The following PLCG2 variants were observed in gnomAD, a reference collection of about 807,000 sequenced individuals.
PLCG2 encodes phospholipase C gamma 2.
PLCG2 carries 69 observed loss-of-function variants against 175.6 expected under a neutral mutation model. The observed-to-expected ratio is 0.39, with a 90% CI of 0.32 to 0.48. The LOEUF is 0.48. Ranked by LOEUF, PLCG2 falls within the 20% of genes least tolerant of loss-of-function variation. PLCG2 has a pLI of 0.91. For synonymous variants in PLCG2, 827 were observed against 624.0 expected (o/e 1.33, Z -4.85); for missense variants, 1,798 against 1,650.9 (o/e 1.09, Z -1.54).
intron 7 of PLCG2, among the ~76,000 whole-genome samples, chr16:81,871,967 G>T (rs892077339): frequency 6.6e-6 from 1 of 152,140 alleles, no homozygotes; most frequent in African/African-American, 2.4e-5. Flanking sequence ...GATGATATTT[G>T]TGACATTTTG....
chr16:81,947,096 C>T (rs1339448767), intron 31 of PLCG2, among the ~76,000 whole-genome samples: 2 of 152,036 alleles, frequency 1.3e-5, no homozygotes, highest in Non-Finnish European at 1.5e-5. Flanking sequence ...TGCCTAGGCC[C>T]GCTGCTCTGC....
intron 2 of PLCG2, among the ~76,000 whole-genome samples, chr16:81,826,894 G>GC (rs1905069783): frequency 1.3e-5 from 2 of 152,120 alleles, no homozygotes; most frequent in African/African-American, 4.8e-5. Flanking sequence ...GTATCCATTT[G>GC]AGGTCTTGGT....
intron 23 of PLCG2, among the ~76,000 whole-genome samples, chr16:81,927,847 G>A (rs1910339740): frequency 6.6e-6 from 1 of 152,224 alleles, no homozygotes; most frequent in Admixed American, 6.5e-5. Context: ...GGGAGGTACA[G>A]TCTAAGCAAA....
At chr16:81,771,070 A>AT (rs71146044) in intron 2 of PLCG2, among the ~76,000 whole-genome samples, 7 of 25,978 alleles carry the variant, frequency 2.7e-4, no homozygotes, top group South Asian at 1.7e-3. Context: ...AAAAAAAAAA[A>AT]AATAAATAAA....
At chr16:81,941,573 T>C (rs1198783525) in intron 30 of PLCG2, among the ~76,000 whole-genome samples, 1 of 152,196 alleles carries the variant, frequency 6.6e-6, no homozygotes, top group East Asian at 1.9e-4. Context: ...ATTTTTTTTT[T>C]TTTTTGTACT....
chr16:81,839,324 C>T (rs1905697054), intron 2 of PLCG2, among the ~76,000 whole-genome samples: 1 of 151,960 alleles, frequency 6.6e-6, no homozygotes, highest in Non-Finnish European at 1.5e-5. Context: ...CTCCAAACCA[C>T]CCCCCAAAAC....
At chr16:81,896,554 G>A (rs1185750434) in intron 13 of PLCG2, among the ~76,000 whole-genome samples, 1 of 151,972 alleles carries the variant, frequency 6.6e-6, no homozygotes. Context: ...CTGCAGCCTG[G>A]GCAACAGAGC....
At position 81,907,313 on chromosome 16, in the gene PLCG2, AAAG is replaced by A. The variant is rs537257093; in HGVS notation, c.1468-368_1468-366del. Among the ~76,000 whole-genome samples, 29 of 152,200 alleles carry A rather than the reference AAAG, an allele frequency of 1.9e-4. No individual in the cohort carries two copies. The South Asian group carries it at 4.1e-3, about 22-fold the overall frequency. The stretch of plus-strand genomic sequence containing the variant: ...ACTAAATTTCATCGGGGGAAAAAAA[AAAG>A]AAGTCATTAAGCCACAAATAAATAT... On this transcript the variant is annotated intron_variant, in intron 15 of 32. Coordinates refer to ENST00000564138, the MANE Select transcript of PLCG2 (RefSeq NM_002661.5).
rs913574253 is a variant in PLCG2 at position 81,961,889 on chromosome 16, A to C, written c.*3891A>C. On this transcript the variant is annotated 3_prime_UTR_variant, in exon 33 of 33. Transcript: ENST00000564138. ...AGATAGAGATTTTCAAAATTCACTT[A>C]AGAGTATCTGAGCATAAAATGTTAA... The C allele has an allele frequency of 1.5e-5, 3 of 198,992 alleles. No individual in the cohort carries two copies. The highest frequency in any genetic ancestry group is 6.9e-5 in the African/African-American group (3 of 43,406). The allele number at this position is 198,992 out of a possible 1,614,324, so 12.3% of individuals were successfully genotyped here.
At chr16:81,853,386 A>G (rs1406386789) in intron 2 of PLCG2, among the ~76,000 whole-genome samples, 1 of 152,056 alleles carries the variant, frequency 6.6e-6, no homozygotes, top group Non-Finnish European at 1.5e-5. Flanking sequence ...CTGGTACAGC[A>G]TCATTTATGC....
intron 3 of PLCG2, among the ~76,000 whole-genome samples, chr16:81,856,602 T>C (rs1258150493): frequency 6.6e-6 from 1 of 152,192 alleles, no homozygotes; most frequent in African/African-American, 2.4e-5. Flanking sequence ...TTCCAGATTC[T>C]GCATTTTATT....
At position 81,786,052 on chromosome 16, in the gene PLCG2, C is replaced by T. The variant is rs374235189; in HGVS notation, c.63C>T (p.Ala21=). ...AEYEKSQIKR[A]LELGTVMTVF... ...ATGAGAAGAGCCAGATCAAGAGAGC[C>T]CTGGAGCTGGGGACGGTGATGACTG... Residue 21 remains alanine, a synonymous_variant, in exon 2 of 33, where the codon GCC becomes GCT. Transcript: ENST00000564138. The T allele has an allele frequency of 2.2e-5, 35 of 1,614,060 alleles. No individual in the cohort carries two copies. The African/African-American group carries it at 4.5e-4, about 21-fold the overall frequency.
chr16:81,813,200 C>T (rs1904394577), intron 2 of PLCG2, among the ~76,000 whole-genome samples: 1 of 152,130 alleles, frequency 6.6e-6, no homozygotes, highest in Non-Finnish European at 1.5e-5. Flanking sequence ...GTTTCTAATT[C>T]TGTGAAGAAA....
At chr16:81,773,844 GA>G (rs1423047155) in intron 2 of PLCG2, among the ~76,000 whole-genome samples, 1 of 152,076 alleles carries the variant, frequency 6.6e-6, no homozygotes, top group African/African-American at 2.4e-5. Context: ...ACTGGGACTG[GA>G]ACCAGCTCTG....
At position 81,936,384 on chromosome 16, in the gene PLCG2, G is replaced by T. The variant is rs748210655; in HGVS notation, c.3052+6G>T. On this transcript the variant is annotated splice_donor_region_variant and intron_variant, in intron 27 of 32. Coordinates refer to ENST00000564138, the MANE Select transcript of PLCG2 (RefSeq NM_002661.5). ...ACTCAATTTCCAGACGGCAGGTAAA[G>T]GCCGACTGAAGGTAGTCCCGTCCCT... is the stretch of plus-strand genomic sequence containing the variant. 1.6e-5 allele frequency: 25 copies of T among 1,612,104 alleles called. No homozygotes were observed. The East Asian group carries it at 5.1e-4, about 33-fold the overall frequency.
chr16:81,942,779 TTCGAACCCCG>T (rs1910998164), intron 30 of PLCG2, among the ~76,000 whole-genome samples: 1 of 152,164 alleles, frequency 6.6e-6, no homozygotes, highest in African/African-American at 2.4e-5. Context: ...TCTAATTAAT[TTCGAACCCCG>T]TGTTCCTCCT....
chr16:81,944,246 G>C (rs908283455), intron 30 of PLCG2, among the ~76,000 whole-genome samples: 2 of 151,752 alleles, frequency 1.3e-5, no homozygotes, highest in Non-Finnish European at 2.9e-5. Flanking sequence ...GACAAAACAA[G>C]TACAGTCAGC....
rs1911137892 is a variant in PLCG2, at chr16:81,946,093, G to A, written c.3482-82G>A. The A allele has an allele frequency of 4.9e-6, 5 of 1,020,624 alleles. No individual in the cohort carries two copies. The South Asian group carries it at 6.4e-5, about 13-fold the overall frequency. 63.2% of individuals were successfully genotyped at this position (1,020,624 alleles called of 1,614,324 possible). A position where few individuals can be genotyped will look rare whatever the true frequency, so the allele number is the denominator to read the frequency against. On this transcript the variant is annotated intron_variant, in intron 30 of 32. Transcript: ENST00000564138. ...TCTCTACCCTTTGAACTAGGCCTAT[G>A]ATCCCGAGGTAGCCTCCAAAAAAAA...
chr16:81,781,334 T>G (rs1486164602), intron 1 of PLCG2, among the ~76,000 whole-genome samples: 1 of 152,224 alleles, frequency 6.6e-6, no homozygotes. Context: ...TTCTTTCTGA[T>G]GGCTACTGAG....
Sources: allele counts gnomAD v4.1 joint callset (sites outside exome capture counted in the v4.1 genomes callset), GRCh38; gene constraint gnomAD v4.1.1; transcripts MANE v1.5; gene names NCBI Gene and HGNC (gene_info 2026-07-23, HGNC 2026-07-21).